NAA16: variants seen among roughly 807,000 people sequenced by gnomAD.
NAA16 encodes the protein N-alpha-acetyltransferase 16, NatA auxiliary subunit.
In NAA16, 97 loss-of-function variants were observed where a neutral mutation model predicts 110.3. The ratio of observed to expected loss-of-function variants is 0.88; its 90% CI spans 0.75 to 1.04. The LOEUF (loss-of-function observed/expected upper bound fraction) is 1.04. Ranked by LOEUF, NAA16 falls within the 50% of genes least tolerant of loss-of-function variation. The pLI is 0.00. For synonymous variants in NAA16, 372 were observed against 330.6 expected, an observed-to-expected ratio of 1.13 and a Z score of -1.36; for missense variants, 1,017 against 1,005.1, an observed-to-expected ratio of 1.01 and a Z score of -0.16.
At chr13:41,359,977 A>C (rs957411087) in intron 12 of NAA16, among the ~76,000 whole-genome samples, 1 of 152,168 alleles carries the variant, frequency 6.6e-6, no homozygotes, top group Non-Finnish European at 1.5e-5. Context: ...TGAGGTGGGC[A>C]TGGTGGCATG....
At chr13:41,329,601 A>T (rs1274671682) in intron 7 of NAA16, among the ~76,000 whole-genome samples, 1 of 151,620 alleles carries the variant, frequency 6.6e-6, no homozygotes, top group African/African-American at 2.4e-5. Flanking sequence ...CTACAAGAAA[A>T]GTTTAATTGT....
At chr13:41,347,740 T>C (rs919007463) in intron 9 of NAA16, among the ~76,000 whole-genome samples, 3 of 152,224 alleles carry the variant, frequency 2.0e-5, no homozygotes, top group African/African-American at 7.2e-5. Flanking sequence ...CTATAGATGT[T>C]TTAATAGATT....
intron 9 of NAA16, among the ~76,000 whole-genome samples, chr13:41,348,596 G>T (rs1303352946): frequency 2.6e-5 from 4 of 152,114 alleles, no homozygotes; most frequent in African/African-American, 7.2e-5. Context: ...AGAGATAAAG[G>T]TCTAGTTTTC....
chr13:41,319,816 CA>C lies in NAA16; in HGVS notation c.245-842del, dbSNP rs566958703. 4.5e-3 allele frequency among the ~76,000 whole-genome samples: 666 copies of C among 149,462 alleles called. 3 individuals are homozygous for C. Among genetic ancestry groups the C allele is most frequent in the Middle Eastern group, 0.01 (3 of 290 alleles). On this transcript the variant is annotated intron_variant, in intron 3 of 19. Coordinates refer to ENST00000379406, the MANE Select transcript of NAA16 (RefSeq NM_024561.5). ...ACAGGTGTGAGCCACCATGCCTGGC[CA>C]AAAAAAAATTTTTTTTTAAAGGGTG...
At chr13:41,373,864 A>G in intron 18 of NAA16, 84 bp downstream of exon 18, 1 of 1,507,400 alleles carries the variant, frequency 6.6e-7, no homozygotes, top group African/African-American at 1.4e-5. Context: ...ATGTAAAGCA[A>G]ATGAACAGTA....
chr13:41,348,459 G>T (rs867622561), intron 9 of NAA16, among the ~76,000 whole-genome samples: 3 of 152,118 alleles, frequency 2.0e-5, no homozygotes, highest in Non-Finnish European at 4.4e-5. Context: ...CACCACTCCT[G>T]GCTGATGTTA....
chr13:41,329,298 T>G (rs2042173228), intron 7 of NAA16, among the ~76,000 whole-genome samples: 1 of 151,990 alleles, frequency 6.6e-6, no homozygotes, highest in African/African-American at 2.4e-5. Context: ...TAGGCTAATT[T>G]GTGTAGAGCA....
At chr13:41,357,127 C>A (rs2043007172) in intron 10 of NAA16, among the ~76,000 whole-genome samples, 1 of 152,150 alleles carries the variant, frequency 6.6e-6, no homozygotes, top group South Asian at 2.1e-4. Context: ...TGGAGGCCAG[C>A]CTGGGCAACA....
At chr13:41,358,164 C>G in intron 10 of NAA16, 140 bp from the exon 11 acceptor site, 1 of 724,716 alleles carries the variant, frequency 1.4e-6, no homozygotes. Flanking sequence ...ATACCTCTTT[C>G]TTTTGAAATT....
At chr13:41,337,448 C>T (rs536666166) in intron 9 of NAA16, among the ~76,000 whole-genome samples, 1 of 149,758 alleles carries the variant, frequency 6.7e-6, no homozygotes, top group African/African-American at 2.5e-5. Flanking sequence ...AAGCTTGAGG[C>T]AGGAGAATGG....
chr13:41,352,940 C>T (rs993370984), intron 9 of NAA16, among the ~76,000 whole-genome samples: 1 of 151,766 alleles, frequency 6.6e-6, no homozygotes, highest in African/African-American at 2.4e-5. Context: ...TAGGTTTCAC[C>T]CCTTCATCTC....
At chr13:41,375,054 A>G (rs1363422218) in intron 19 of NAA16, among the ~76,000 whole-genome samples, 1 of 152,222 alleles carries the variant, frequency 6.6e-6, no homozygotes, top group Non-Finnish European at 1.5e-5. Context: ...CTGTCACAGA[A>G]TCCATGTGAG....
intron 9 of NAA16, among the ~76,000 whole-genome samples, chr13:41,342,342 T>C (rs1264867757): frequency 6.6e-6 from 1 of 152,136 alleles, no homozygotes; most frequent in Non-Finnish European, 1.5e-5. Context: ...TTCCTCGTGT[T>C]GCCCAGGCTG....
intron 9 of NAA16, among the ~76,000 whole-genome samples, chr13:41,343,554 T>G (rs2042608398): frequency 6.6e-6 from 1 of 152,142 alleles, no homozygotes; most frequent in South Asian, 2.1e-4. Flanking sequence ...TTTTTTTGTT[T>G]GGAGTCTCGC....
chr13:41,316,018 C>T (rs2041799796), intron 1 of NAA16, among the ~76,000 whole-genome samples: 1 of 152,146 alleles, frequency 6.6e-6, no homozygotes, highest in East Asian at 1.9e-4. Context: ...AGTCCTCTCG[C>T]CTTGGCCTCC....
chr13:41,359,012 G>T lies in NAA16; in HGVS notation c.1410+50G>T, dbSNP rs1203693906. On this transcript the variant is annotated intron_variant, in intron 12 of 19. Coordinates refer to ENST00000379406, the MANE Select transcript of NAA16 (RefSeq NM_024561.5). ...GTAATTGTCTAAATTAAGACAGTTT[G>T]TGAAGTTTGTCTAAATTAAGACAGT... 2.1e-6 allele frequency: 3 copies of T among 1,456,502 alleles called. No homozygotes were observed. In the South Asian group the frequency reaches 4.3e-5, roughly 21 times the overall value. The allele number at this position is 1,456,502 out of a possible 1,614,324, so 90.2% of individuals were successfully genotyped here.
intron 15 of NAA16, among the ~76,000 whole-genome samples, chr13:41,369,645 A>G (rs949460765): frequency 6.6e-6 from 1 of 152,188 alleles, no homozygotes; most frequent in Non-Finnish European, 1.5e-5. Flanking sequence ...TGTGGTCCTA[A>G]TATCGTCAAA....
At position 41,362,119 on chromosome 13, in the gene NAA16, G is replaced by A. The variant is rs773902435; in HGVS notation, c.1499G>A (p.Arg500Lys). ...ATTTCAGCTTATCAGCGTCTGGGGA[G>A]ATACGGGGATGCCTTGAAAAAATGT... ...ECISAYQRLG[R>K]YGDALKKCHE... The change falls in exon 13 of 20, where the codon AGA (arginine) becomes AAA (lysine). Residue 500 changes from arginine (R) to lysine (K), a missense_variant. By Grantham distance (26) the Arg-to-Lys change is conservative (BLOSUM62 2). Coordinates refer to ENST00000379406, the MANE Select transcript of NAA16 (RefSeq NM_024561.5). 3 of 1,607,322 alleles carry A rather than the reference G, an allele frequency of 1.9e-6. No individual in the cohort carries two copies. Among genetic ancestry groups the A allele is most frequent in the Non-Finnish European group, 2.5e-6 (3 of 1,177,850 alleles).
intron 8 of NAA16, among the ~76,000 whole-genome samples, chr13:41,331,624 G>A (rs2042241050): frequency 6.6e-6 from 1 of 151,976 alleles, no homozygotes; most frequent in Non-Finnish European, 1.5e-5. Flanking sequence ...TAGAAAGAAT[G>A]ATAGATATCA....
Sources: gnomAD v4.1 joint callset for allele counts (sites outside exome capture counted in the v4.1 genomes callset) on GRCh38, gnomAD v4.1.1 for gene constraint, MANE v1.5 for transcripts, NCBI Gene and HGNC (gene_info 2026-07-23, HGNC 2026-07-21) for gene names.